The following BMP6 variants were observed in gnomAD, a reference collection of about 807,000 sequenced individuals.
BMP6 encodes bone morphogenetic protein 6, also known as VG-1-R.
A neutral mutation model predicts 54.1 loss-of-function variants in BMP6; 17 were observed. The observed-to-expected ratio is 0.31, with a 90% CI of 0.22 to 0.47. The LOEUF (loss-of-function observed/expected upper bound fraction) is 0.47, where lower values mean the gene tolerates loss of function less well. Among genes scored for constraint, BMP6 ranks in the 20% least tolerant of loss-of-function variants. The probability of loss-of-function intolerance (pLI) is 1.00; values close to 1 mark genes in which losing one functional copy is unlikely to be tolerated. For missense variants in BMP6, 720 were observed against 690.4 expected (o/e 1.04, Z -0.48); for synonymous variants, 328 against 291.2 (o/e 1.13, Z -1.28).
At chr6:7,758,101 A>C (rs1012104522) in intron 1 of BMP6, among the ~76,000 whole-genome samples, 5 of 152,346 alleles carry the variant, frequency 3.3e-5, no homozygotes, top group African/African-American at 1.2e-4. Flanking sequence ...TACTCTTGCT[A>C]GTAGAGAAGA....
chr6:7,754,008 A>T (rs1757470002), intron 1 of BMP6, among the ~76,000 whole-genome samples: 1 of 152,014 alleles, frequency 6.6e-6, no homozygotes, highest in Non-Finnish European at 1.5e-5. Flanking sequence ...ATCTTGGTGG[A>T]TGCTTCCTGT....
chr6:7,821,692 G>T (rs1249710061), intron 1 of BMP6, among the ~76,000 whole-genome samples: 1 of 152,150 alleles, frequency 6.6e-6, no homozygotes, highest in Non-Finnish European at 1.5e-5. Context: ...ACTGCAGTGG[G>T]TATAGTAATG....
chr6:7,813,726 G>A (rs929576116), intron 1 of BMP6, among the ~76,000 whole-genome samples: 2 of 147,622 alleles, frequency 1.4e-5, no homozygotes, highest in African/African-American at 2.5e-5. Flanking sequence ...ATACTCCATA[G>A]CATCTCCTTG....
At chr6:7,733,746 C>G (rs1761911313) in intron 1 of BMP6, among the ~76,000 whole-genome samples, 1 of 152,224 alleles carries the variant, frequency 6.6e-6, no homozygotes, top group African/African-American at 2.4e-5. Context: ...CTTCAACACC[C>G]TCACTCCCAT....
At chr6:7,830,688 T>C (rs1469561934) in intron 1 of BMP6, among the ~76,000 whole-genome samples, 2 of 152,206 alleles carry the variant, frequency 1.3e-5, no homozygotes, top group Non-Finnish European at 2.9e-5. Context: ...ACAATCATGA[T>C]GGAAGACAGA....
rs759573122 is a variant in BMP6 at position 7,862,473 on chromosome 6, C to T, written c.1179C>T (p.Asp393=). 12 of 1,613,992 alleles carry T rather than the reference C, an allele frequency of 7.4e-6. No individual in the cohort carries two copies. The highest frequency in any genetic ancestry group is 2.2e-5 in the South Asian group (2 of 91,090). Residue 393 remains aspartate (D), a synonymous_variant, in exon 4 of 7, where the codon GAC becomes GAT. Transcript: ENST00000283147. ...QSRNRSTQSQ[D]VARVSSASDY... is the part of the protein sequence containing the mutation. ...GTAATCGCTCTACCCAGTCCCAGGA[C>T]GTGGCGCGGGTCTCCAGTGCTTCAG...
chr6:7,758,674 A>G (rs1174299334), intron 1 of BMP6, among the ~76,000 whole-genome samples: 2 of 152,238 alleles, frequency 1.3e-5, no homozygotes, highest in Non-Finnish European at 2.9e-5. Flanking sequence ...GATCAGTCAT[A>G]GAAGGCGGCT....
At chr6:7,853,285 A>G (rs112958413) in intron 2 of BMP6, among the ~76,000 whole-genome samples, 1 of 152,174 alleles carries the variant, frequency 6.6e-6, no homozygotes, top group Admixed American at 6.5e-5. Flanking sequence ...TCTTTGAAGT[A>G]TAGTGTGTTT....
At chr6:7,736,978 AG>A (rs1246470007) in intron 1 of BMP6, among the ~76,000 whole-genome samples, 2 of 152,190 alleles carry the variant, frequency 1.3e-5, no homozygotes, top group African/African-American at 2.4e-5. Flanking sequence ...ACTTGAGGTC[AG>A]GAGTTCAAGA....
At chr6:7,780,547 C>T (rs1004380359) in intron 1 of BMP6, among the ~76,000 whole-genome samples, 3 of 147,048 alleles carry the variant, frequency 2.0e-5, no homozygotes, top group African/African-American at 2.5e-5. Flanking sequence ...GAAATTCCAT[C>T]GCAAAAAAAA....
chr6:7,770,306 G>C (rs964120657), intron 1 of BMP6, among the ~76,000 whole-genome samples: 3 of 152,128 alleles, frequency 2.0e-5, no homozygotes, highest in Non-Finnish European at 2.9e-5. Flanking sequence ...TGTGAATACA[G>C]CTTACATCAT....
At chr6:7,761,684 T>C (rs552851122) in intron 1 of BMP6, among the ~76,000 whole-genome samples, 30 of 152,322 alleles carry the variant, frequency 2.0e-4, no homozygotes, top group Admixed American at 5.9e-4. Flanking sequence ...TTGGCCAACC[T>C]TCAAGGCCCA....
intron 4 of BMP6, among the ~76,000 whole-genome samples, chr6:7,875,200 G>T (rs1269750604): frequency 6.6e-6 from 1 of 152,140 alleles, no homozygotes; most frequent in Non-Finnish European, 1.5e-5. Flanking sequence ...CAGGGCAAGA[G>T]AAGACAATGA....
In BMP6 at chr6:7,728,753, C is replaced by T. The variant is rs188727048; in HGVS notation, c.664+1134C>T. On this transcript the variant is annotated intron_variant, in intron 1 of 6. Coordinates refer to ENST00000283147, the MANE Select transcript of BMP6 (RefSeq NM_001718.6). Reference sequence around the variant, plus strand: ...TCACGGGCCTCCTTCCCATGTGAGACGGTGGTTGTGCCCAGGCCCTGAAGT... The same window carrying T: ...TCACGGGCCTCCTTCCCATGTGAGATGGTGGTTGTGCCCAGGCCCTGAAGT... Among the ~76,000 whole-genome samples, 558 of 152,298 alleles carry T rather than the reference C, an allele frequency of 3.7e-3. 2 individuals carry two copies. Among genetic ancestry groups the T allele is most frequent in the Non-Finnish European group, 6.3e-3 (430 of 68,028 alleles).
chr6:7,786,099 G>A (rs1186515391), intron 1 of BMP6, among the ~76,000 whole-genome samples: 3 of 152,184 alleles, frequency 2.0e-5, no homozygotes, highest in Non-Finnish European at 2.9e-5. Context: ...ACGTACACGC[G>A]TCTTTGGTCT....
At chr6:7,854,613 AG>A (rs1476821478) in intron 2 of BMP6, among the ~76,000 whole-genome samples, 2 of 152,232 alleles carry the variant, frequency 1.3e-5, no homozygotes, top group East Asian at 3.8e-4. Flanking sequence ...CCTGACCAAC[AG>A]GGTGAACCCC....
chr6:7,784,594 T>TA (rs566933935), intron 1 of BMP6, among the ~76,000 whole-genome samples: 3 of 151,874 alleles, frequency 2.0e-5, no homozygotes, highest in East Asian at 3.9e-4. Context: ...AGAGTTGCTT[T>TA]AAAAAAAAAT....
chr6:7,808,373 C>G (rs1445441967), intron 1 of BMP6, among the ~76,000 whole-genome samples: 9 of 152,174 alleles, frequency 5.9e-5, no homozygotes, highest in African/African-American at 1.4e-4. Context: ...GTTAACCACT[C>G]ATTTCATTTA....
intron 1 of BMP6, among the ~76,000 whole-genome samples, chr6:7,833,855 C>T (rs1758829167): frequency 6.6e-6 from 1 of 152,188 alleles, no homozygotes; most frequent in African/African-American, 2.4e-5. Context: ...ACTTCAAATT[C>T]TGGAAGTATT....
Sources: allele counts gnomAD v4.1 joint callset (sites outside exome capture counted in the v4.1 genomes callset), GRCh38; gene constraint gnomAD v4.1.1; transcripts MANE v1.5; gene names NCBI Gene and HGNC (gene_info 2026-07-23, HGNC 2026-07-21).